Variants in CDON observed in about 807,000 individuals in gnomAD.
The protein encoded by CDON is cell adhesion molecule-related/down-regulated by oncogenes.
In CDON, 73 loss-of-function variants were observed where a neutral mutation model predicts 120.9. That is an observed-to-expected ratio of 0.60 (90% CI 0.50 to 0.73). The LOEUF is 0.73. Among genes scored for constraint, CDON ranks in the 30% least tolerant of loss-of-function variants. CDON has a pLI of 0.00. For missense variants in CDON, 1,470 were observed against 1,587.3 expected (o/e 0.93, Z 1.26); for synonymous variants, 566 against 573.5 (o/e 0.99, Z 0.19).
intron 16 of CDON, among the ~76,000 whole-genome samples, chr11:125,981,965 A>ATTTCCTTTTTTTTTTTT (rs1946318366): frequency 2.9e-5 from 1 of 34,428 alleles, no homozygotes; most frequent in African/African-American, 8.2e-5. Context: ...AAGTGATTCT[A>ATTTCCTTTTTTTTTTTT]TTTTCTTTTT....
At chr11:126,035,868 A>G (rs1465860732) in intron 1 of CDON, among the ~76,000 whole-genome samples, 1 of 152,142 alleles carries the variant, frequency 6.6e-6, no homozygotes, top group Non-Finnish European at 1.5e-5. Flanking sequence ...CCAAGCAGAA[A>G]AGCCCGAGAA....
intron 10 of CDON, among the ~76,000 whole-genome samples, chr11:126,002,193 A>AT (rs1946966541): frequency 6.6e-6 from 1 of 152,246 alleles, no homozygotes. Context: ...TCTAAGCTAT[A>AT]AAACTCACCA....
At chr11:125,988,318 C>G (rs1340886479) in intron 15 of CDON, among the ~76,000 whole-genome samples, 2 of 152,100 alleles carry the variant, frequency 1.3e-5, no homozygotes, top group African/African-American at 4.8e-5. Flanking sequence ...ATCAGCAGTG[C>G]TAGTCTTAGA....
At chr11:126,012,301 A>G (rs1947325225) in intron 7 of CDON, among the ~76,000 whole-genome samples, 1 of 152,204 alleles carries the variant, frequency 6.6e-6, no homozygotes, top group Non-Finnish European at 1.5e-5. Context: ...TGAGGAACTG[A>G]TATCTCTTCC....
intron 14 of CDON, among the ~76,000 whole-genome samples, chr11:125,991,720 C>G (rs1946636585): frequency 6.6e-6 from 1 of 150,622 alleles, no homozygotes; most frequent in African/African-American, 2.4e-5. Context: ...GAGAACAGAC[C>G]AATAGTTTCC....
rs1229316329 is a variant in CDON, at chr11:126,036,339, ACTTT to A, written c.-61-12806_-61-12803del. On this transcript the variant is annotated intron_variant, in intron 1 of 19. Coordinates refer to ENST00000531738, the MANE Select transcript of CDON (RefSeq NM_001378964.1). ...TTCCAAAAAATCAAGAACATCAAAC[ACTTT>A]CTTTAATGTACCACAAGCAATAAAG... Among the ~76,000 whole-genome samples, 5 of 152,322 alleles carry A rather than the reference ACTTT, an allele frequency of 3.3e-5. No individual in the cohort carries two copies. The South Asian group carries it at 1.0e-3, about 32-fold the overall frequency.
At chr11:126,005,593 T>A (rs1217130198) in intron 9 of CDON, 166 bp downstream of exon 9, 4 of 676,334 alleles carry the variant, frequency 5.9e-6, no homozygotes, top group Admixed American at 2.4e-5. Flanking sequence ...AGTGCTTTCC[T>A]AGGATTGGTA....
intron 18 of CDON, among the ~76,000 whole-genome samples, chr11:125,973,018 C>T (rs1309375997): frequency 4.6e-4 from 40 of 87,026 alleles, no homozygotes; most frequent in East Asian, 1.1e-3. Context: ...ATTACTTGGT[C>T]TTTTTTTTTT....
At chr11:125,972,609 C>CATT (rs1391065996) in intron 18 of CDON, among the ~76,000 whole-genome samples, 2 of 152,090 alleles carry the variant, frequency 1.3e-5, no homozygotes, top group Non-Finnish European at 2.9e-5. Flanking sequence ...CTCTCATTTA[C>CATT]ATAATAGAGG....
rs78375311 is a variant in CDON, at chr11:126,008,621, T to C, written c.1552+1720A>G. ...TTTCATCAGCCATAAAACTATGACA[T>C]CTGTCTCTCTACACCCTGTATTCAC... On this transcript the variant is annotated intron_variant, in intron 8 of 19. Transcript: ENST00000531738. Among the ~76,000 whole-genome samples the C allele has an allele frequency of 3.3e-3, 496 of 152,238 alleles. 4 individuals are homozygous for C. The highest frequency in any genetic ancestry group is 7.6e-3 in the African/African-American group (316 of 41,542).
At chr11:125,961,136 C>T (rs370067408) in intron 19 of CDON, 31 bp from the exon 20 acceptor site, 1 of 1,604,372 alleles carries the variant, frequency 6.2e-7, no homozygotes, top group South Asian at 1.1e-5. Flanking sequence ...GGAGCATTAT[C>T]AAATGATAAA....
chr11:126,019,660 A>G lies in CDON; in HGVS notation c.455T>C (p.Val152Ala). ...CCATTTTCCCCGGATTTTATAGCGC[A>G]CCTCAGCTTTGGGGTTACTCTCCGG... Reference protein sequence around the residue: ...RVPESNPKAEVRYKIRGKWLE... With the variant: ...RVPESNPKAEARYKIRGKWLE... The change falls in exon 4 of 20, where the codon GTG (valine) becomes GCG (alanine). Residue 152 changes from valine to alanine, a missense_variant. Val to Ala is a moderately conservative substitution (Grantham distance 64). Transcript: ENST00000531738. 2 of 1,614,060 alleles carry G rather than the reference A, an allele frequency of 1.2e-6. No homozygotes were observed. Among genetic ancestry groups the G allele is most frequent in the Non-Finnish European group, 1.7e-6 (2 of 1,180,012 alleles).
rs1946726636 is a variant in CDON, at chr11:125,994,608, AAAAGC to A, written c.2545-224_2545-220del. Among the ~76,000 whole-genome samples the A allele has an allele frequency of 2.6e-5, 4 of 152,324 alleles. No individual in the cohort carries two copies. In the East Asian group the frequency reaches 7.7e-4, roughly 29 times the overall value. ...TACGTTTCCCTGGGTTCAAAAGCAT[AAAAGC>A]ACATTTGGTTCAAAATGAATCATGA... On this transcript the variant is annotated intron_variant, in intron 13 of 19. Coordinates refer to ENST00000531738, the MANE Select transcript of CDON (RefSeq NM_001378964.1).
intron 11 of CDON, among the ~76,000 whole-genome samples, chr11:126,001,034 A>G (rs1246616620): frequency 2.0e-5 from 3 of 152,234 alleles, no homozygotes; most frequent in Admixed American, 2.0e-4. Flanking sequence ...ATAGCAAAAA[A>G]TAAAAATAAA....
intron 10 of CDON, among the ~76,000 whole-genome samples, chr11:126,003,420 A>G (rs114926063): frequency 0.026 from 4,023 of 152,334 alleles, 66 homozygotes; most frequent in Middle Eastern, 0.058. Context: ...TCTGTGGAAT[A>G]TTCTATAGAA....
chr11:126,002,899 G>A (rs1476416306), intron 10 of CDON, among the ~76,000 whole-genome samples: 1 of 152,156 alleles, frequency 6.6e-6, no homozygotes, highest in Non-Finnish European at 1.5e-5. Flanking sequence ...GCCCCATCGT[G>A]TTCCTAGTGA....
intron 1 of CDON, among the ~76,000 whole-genome samples, chr11:126,057,701 G>A (rs575332744): frequency 6.6e-6 from 1 of 152,164 alleles, no homozygotes; most frequent in Admixed American, 6.5e-5. Context: ...ATATTACTAT[G>A]TTACACCTCA....
intron 18 of CDON, among the ~76,000 whole-genome samples, chr11:125,972,434 ACAAAAGAAAAT>A (rs1327774316): frequency 6.6e-6 from 1 of 152,092 alleles, no homozygotes; most frequent in Non-Finnish European, 1.5e-5. Context: ...CTCAAAAAAA[ACAAAAGAAAAT>A]CAAAAGAAAC....
chr11:125,975,081 T>C (rs1485871533), intron 18 of CDON, among the ~76,000 whole-genome samples: 1 of 152,024 alleles, frequency 6.6e-6, no homozygotes, highest in Non-Finnish European at 1.5e-5. Flanking sequence ...GAACAGATCA[T>C]TCCTGTTCTC....
Sources: allele counts gnomAD v4.1 joint callset (sites outside exome capture counted in the v4.1 genomes callset), GRCh38; gene constraint gnomAD v4.1.1; transcripts MANE v1.5; gene names NCBI Gene and HGNC (gene_info 2026-07-23, HGNC 2026-07-21).